TBC1D8: variants seen among roughly 807,000 people sequenced by gnomAD.
TBC1D8 encodes the protein BUB2-like protein 1.
In TBC1D8, 65 loss-of-function variants were observed where a neutral mutation model predicts 118.8. The observed-to-expected ratio is 0.55, with a 90% CI of 0.45 to 0.67. The LOEUF (loss-of-function observed/expected upper bound fraction) is 0.67, where lower values mean the gene tolerates loss of function less well. Ranked by LOEUF, TBC1D8 falls within the 30% of genes least tolerant of loss-of-function variation. The pLI, the probability that TBC1D8 is intolerant of heterozygous loss-of-function variation, is 0.00. For synonymous variants in TBC1D8, 566 were observed against 595.8 expected, an observed-to-expected ratio of 0.95 and a Z score of 0.73; for missense variants, 1,376 against 1,471.2, an observed-to-expected ratio of 0.94 and a Z score of 1.06.
chr2:101,018,009 A>T, intron 17 of TBC1D8: 6 of 1,396,154 alleles, frequency 4.3e-6, no homozygotes, highest in Non-Finnish European at 5.9e-6. Context: ...TTCTACTTCA[A>T]GCATGTGCTC....
chr2:101,056,415 G>A (rs1682437591), intron 3 of TBC1D8, among the ~76,000 whole-genome samples: 1 of 151,974 alleles, frequency 6.6e-6, no homozygotes, highest in Non-Finnish European at 1.5e-5. Context: ...TGTTAGCCAG[G>A]ATGGTCTCGA....
chr2:101,067,630 T>C (rs547796171), intron 2 of TBC1D8, among the ~76,000 whole-genome samples: 1 of 152,358 alleles, frequency 6.6e-6, no homozygotes, highest in African/African-American at 2.4e-5. Context: ...CATTCATGAT[T>C]ATCTGAGCCT....
chr2:101,089,924 TTAA>T (rs1558691344), intron 2 of TBC1D8, among the ~76,000 whole-genome samples: 1 of 116,004 alleles, frequency 8.6e-6, no homozygotes, highest in Admixed American at 9.6e-5. Context: ...TCGATGGTTT[TTAA>T]AAAAAAAAAA....
intron 4 of TBC1D8, among the ~76,000 whole-genome samples, chr2:101,051,563 A>G (rs530901591): frequency 9.2e-5 from 14 of 152,302 alleles, no homozygotes; most frequent in Middle Eastern, 3.4e-3. Context: ...ATATCTCACA[A>G]AGGTCTAATA....
At chr2:101,128,418 G>A (rs2104250383) in intron 1 of TBC1D8, among the ~76,000 whole-genome samples, 1 of 152,284 alleles carries the variant, frequency 6.6e-6, no homozygotes. Context: ...GGGTACTCAG[G>A]AAGCCAGGGG....
At chr2:101,061,431 T>C (rs1682746375) in intron 2 of TBC1D8, among the ~76,000 whole-genome samples, 1 of 152,130 alleles carries the variant, frequency 6.6e-6, no homozygotes, top group African/African-American at 2.4e-5. Context: ...AAGTATCTAA[T>C]AGAATATTTC....
intron 1 of TBC1D8, among the ~76,000 whole-genome samples, chr2:101,120,424 C>T (rs1208022182): frequency 3.3e-5 from 5 of 152,144 alleles, no homozygotes; most frequent in African/African-American, 7.2e-5. Flanking sequence ...GTCTGTGGTC[C>T]GGCCTGGGCT....
At chr2:101,070,601 C>T (rs747122277) in intron 2 of TBC1D8, among the ~76,000 whole-genome samples, 9 of 151,706 alleles carry the variant, frequency 5.9e-5, no homozygotes, top group East Asian at 2.0e-4. Context: ...TTAGTACAGA[C>T]GGGGTTTCAC....
intron 1 of TBC1D8, among the ~76,000 whole-genome samples, chr2:101,146,765 C>T (rs10207371): frequency 0.65 from 98,623 of 152,004 alleles, 32,472 homozygotes; most frequent in African/African-American, 0.76. Flanking sequence ...TTCTGTAATA[C>T]ACGGTACCAC....
chr2:101,078,211 T>C (rs1201170873), intron 2 of TBC1D8, among the ~76,000 whole-genome samples: 1 of 152,234 alleles, frequency 6.6e-6, no homozygotes, highest in South Asian at 2.1e-4. Flanking sequence ...CAGACAGCTC[T>C]GTACATATTA....
At chr2:101,065,094 C>G (rs1310461600) in intron 2 of TBC1D8, among the ~76,000 whole-genome samples, 1 of 152,150 alleles carries the variant, frequency 6.6e-6, no homozygotes, top group Non-Finnish European at 1.5e-5. Context: ...ATCTCATTGT[C>G]TATGCCCACA....
chr2:101,066,800 C>T (rs1454004363), intron 2 of TBC1D8, among the ~76,000 whole-genome samples: 4 of 151,934 alleles, frequency 2.6e-5, no homozygotes, highest in African/African-American at 9.7e-5. Flanking sequence ...CGAAAGTTAG[C>T]CAGATGTGGT....
chr2:101,029,897 G>A (rs12472882), intron 11 of TBC1D8, 121 bp from the exon 12 acceptor site: 98 of 1,023,166 alleles, frequency 9.6e-5, no homozygotes, highest in East Asian at 5.8e-4. Flanking sequence ...CCAGAAAAGC[G>A]TCCATGCTTA....
At chr2:101,027,983 G>T (rs1185577090) in intron 14 of TBC1D8, 65 bp downstream of exon 14, 3 of 1,437,366 alleles carry the variant, frequency 2.1e-6, no homozygotes, top group East Asian at 4.6e-5. Context: ...TGACCAAAAA[G>T]GATGCGCACT....
chr2:101,021,515 G>A (rs1225481693), intron 17 of TBC1D8, among the ~76,000 whole-genome samples, 166 bp downstream of exon 17: 1 of 152,140 alleles, frequency 6.6e-6, no homozygotes, highest in African/African-American at 2.4e-5. Context: ...TGCCAGAGCT[G>A]TGCAGCACAG....
Position 101,008,256 on chromosome 2 carries a change from G to A in TBC1D8, c.3033C>T (p.Phe1011=), listed in dbSNP as rs1678891919. The stretch of plus-strand genomic sequence containing the variant: ...GGAACATACTGTACAGAGTTTTACA[G>A]AACTGGATAAATTCTCTCTGAAATT... ...PKMSQREFIQ[F]CKTLYSMFHE... The change falls in exon 20 of 20, where the codon TTC becomes TTT. Residue 1011 remains phenylalanine (F), a synonymous_variant. Transcript: ENST00000409318. 2.6e-6 allele frequency: 4 copies of A among 1,541,968 alleles called. No homozygotes were observed. The highest frequency in any genetic ancestry group is 3.5e-6 in the Non-Finnish European group (4 of 1,144,214).
In TBC1D8 at chr2:101,008,286, TAA is replaced by T; in HGVS notation, c.3016-15_3016-14del. ...GGATAAATTCTCTCTGAAATTGAAA[TAA>T]GTCTTAGGTAGCAGCAGAACCAGGG... On this transcript the variant is annotated splice_polypyrimidine_tract_variant and intron_variant, in intron 19 of 19. Transcript: ENST00000409318. 1 of 1,512,882 alleles carries T rather than the reference TAA, an allele frequency of 6.6e-7. No individual in the cohort carries two copies. The highest frequency in any genetic ancestry group is 8.8e-7 in the Non-Finnish European group (1 of 1,132,034). 93.7% of individuals were successfully genotyped at this position (1,512,882 alleles called of 1,614,324 possible).
chr2:101,113,787 T>C (rs761057243), intron 1 of TBC1D8, among the ~76,000 whole-genome samples: 2 of 152,118 alleles, frequency 1.3e-5, no homozygotes, highest in Admixed American at 6.6e-5. Flanking sequence ...GACAACTCCA[T>C]AGGCTCAAGT....
At chr2:101,123,196 C>A (rs1371895548) in intron 1 of TBC1D8, among the ~76,000 whole-genome samples, 1 of 152,150 alleles carries the variant, frequency 6.6e-6, no homozygotes, top group Non-Finnish European at 1.5e-5. Flanking sequence ...ATGGTCACCA[C>A]TGCACTCCAG....
Sources: allele counts gnomAD v4.1 joint callset (sites outside exome capture counted in the v4.1 genomes callset), GRCh38; gene constraint gnomAD v4.1.1; transcripts MANE v1.5; gene names NCBI Gene and HGNC (gene_info 2026-07-23, HGNC 2026-07-21).